The following RASGRP1 variants were observed in gnomAD, a reference collection of about 807,000 sequenced individuals.
RASGRP1 encodes RAS guanyl-releasing protein 1.
RASGRP1 carries 37 observed loss-of-function variants against 95.1 expected under a neutral mutation model. The ratio of observed to expected loss-of-function variants is 0.39; its 90% CI spans 0.30 to 0.51. The LOEUF is 0.51. RASGRP1 is among the 20% of genes least tolerant of loss of function. RASGRP1 has a pLI of 0.80. For synonymous variants in RASGRP1, 325 were observed against 353.4 expected (o/e 0.92, Z 0.90); for missense variants, 711 against 965.4 (o/e 0.74, Z 3.49).
chr15:38,507,608 A>G, intron 9 of RASGRP1, 118 bp downstream of exon 9: 1 of 1,172,474 alleles, frequency 8.5e-7, no homozygotes, highest in Non-Finnish European at 1.2e-6. Context: ...GGAGATAGTA[A>G]TAGGATCTGC....
At chr15:38,549,300 A>G (rs1893235178) in intron 2 of RASGRP1, among the ~76,000 whole-genome samples, 1 of 152,206 alleles carries the variant, frequency 6.6e-6, no homozygotes, top group Non-Finnish European at 1.5e-5. Context: ...AGTGAATCCA[A>G]AATTAACCAG....
rs1040473271 is a variant in RASGRP1, at chr15:38,506,230, C to G, written c.1243-310G>C. ...ATGACTAATACATCACTTGTTCTCT[C>G]TCAAAGCAGACAGATGATCTGAAAG... On this transcript the variant is annotated intron_variant, in intron 9 of 16. Transcript: ENST00000310803. Among the ~76,000 whole-genome samples the G allele has an allele frequency of 2.6e-5, 4 of 152,224 alleles. No individual in the cohort carries two copies. In the East Asian group the frequency reaches 7.7e-4, roughly 29 times the overall value.
In RASGRP1 at chr15:38,561,133, A is replaced by G. The variant is rs974115330; in HGVS notation, c.36-1128T>C. Reference sequence around the variant, plus strand: ...AGCAGCAAAGAGAAAAAGGAAAAAAACGTACCTCTGAAGTGTAACTTTACT... The same window carrying G: ...AGCAGCAAAGAGAAAAAGGAAAAAAGCGTACCTCTGAAGTGTAACTTTACT... On this transcript the variant is annotated intron_variant, in intron 1 of 16. Coordinates refer to ENST00000310803, the MANE Select transcript of RASGRP1 (RefSeq NM_005739.4). Among the ~76,000 whole-genome samples the G allele has an allele frequency of 4.6e-5, 7 of 152,340 alleles. No individual in the cohort carries two copies. In the South Asian group the frequency reaches 1.4e-3, roughly 32 times the overall value.
intron 2 of RASGRP1, among the ~76,000 whole-genome samples, chr15:38,533,960 T>C (rs1391235700): frequency 6.6e-6 from 1 of 152,200 alleles, no homozygotes; most frequent in Non-Finnish European, 1.5e-5. Context: ...TGCAGTCAGC[T>C]CTCAGGACAG....
At chr15:38,524,859 AG>A (rs139334746) in intron 3 of RASGRP1, among the ~76,000 whole-genome samples, 2,041 of 152,086 alleles carry the variant, frequency 0.013, 60 homozygotes, top group East Asian at 0.12. Context: ...TGGTGGAGTA[AG>A]ATTCTGTGAG....
chr15:38,508,098 A>C, intron 8 of RASGRP1, 97 bp from the exon 9 acceptor site: 33 of 1,365,274 alleles, frequency 2.4e-5, no homozygotes, highest in Non-Finnish European at 3.0e-5. Flanking sequence ...CCATGATCTC[A>C]CCCCATCCAG....
intron 6 of RASGRP1, among the ~76,000 whole-genome samples, chr15:38,515,780 C>CA (rs1021319283): frequency 1.6e-4 from 23 of 148,364 alleles, no homozygotes; most frequent in African/African-American, 5.7e-4. Flanking sequence ...GCCCCCGCAC[C>CA]CCCCCCCCTT....
chr15:38,498,444 CAT>C (rs1890883085), intron 15 of RASGRP1, among the ~76,000 whole-genome samples: 1 of 152,082 alleles, frequency 6.6e-6, no homozygotes, highest in African/African-American at 2.4e-5. Context: ...CATGTACATA[CAT>C]ATTTTCCCTA....
intron 2 of RASGRP1, among the ~76,000 whole-genome samples, chr15:38,533,173 C>T (rs892628855): frequency 2.0e-5 from 3 of 152,098 alleles, no homozygotes; most frequent in South Asian, 2.1e-4. Context: ...GGCAAGCTGT[C>T]AGCATTGAGG....
chr15:38,503,849 G>C (rs1214591135), intron 10 of RASGRP1: 3 of 195,394 alleles, frequency 1.5e-5, no homozygotes, highest in Non-Finnish European at 3.1e-5. Flanking sequence ...TTAATGACTG[G>C]GATATGTTCT....
chr15:38,493,159 C>T (rs1278039340), intron 16 of RASGRP1, among the ~76,000 whole-genome samples: 3 of 145,244 alleles, frequency 2.1e-5, no homozygotes, highest in South Asian at 4.5e-4. Context: ...GGATAACAGG[C>T]GTGAGCCACC....
chr15:38,505,762 G>C lies in RASGRP1; in HGVS notation c.1323+78C>G, dbSNP rs141029008. 5.0e-4 allele frequency: 574 copies of C among 1,154,712 alleles called. 4 individuals carry two copies. The African/African-American group carries it at 8.1e-3, about 16-fold the overall frequency. 71.5% of individuals were successfully genotyped at this position (1,154,712 alleles called of 1,614,324 possible). A position where few individuals can be genotyped will look rare whatever the true frequency, so the allele number is the denominator to read the frequency against. On this transcript the variant is annotated intron_variant, in intron 10 of 16. Coordinates refer to ENST00000310803, the MANE Select transcript of RASGRP1 (RefSeq NM_005739.4). ...ATGTATTAAACTGAACTGAAAGTCTGTTCCTGAGGATGAATGAACTCGAGG... is the reference window on the plus strand; with the variant it reads ...ATGTATTAAACTGAACTGAAAGTCTCTTCCTGAGGATGAATGAACTCGAGG...
intron 10 of RASGRP1, 128 bp from the exon 11 acceptor site, chr15:38,503,504 C>A: frequency 1.3e-6 from 1 of 769,998 alleles, no homozygotes. Flanking sequence ...TGGCAAGGAG[C>A]AGAGAACCCA....
At chr15:38,503,405 A>T in intron 10 of RASGRP1, 29 bp from the exon 11 acceptor site, 2 of 1,447,584 alleles carry the variant, frequency 1.4e-6, no homozygotes, top group Non-Finnish European at 1.9e-6. Context: ...AGAAATCCTC[A>T]TGACTACAAT....
chr15:38,552,461 C>T (rs1329711779), intron 2 of RASGRP1, among the ~76,000 whole-genome samples: 1 of 152,104 alleles, frequency 6.6e-6, no homozygotes, highest in Non-Finnish European at 1.5e-5. Context: ...GAAAAGGAAG[C>T]CCTGATTAGT....
In RASGRP1 at chr15:38,526,352, G is replaced by GGTCA. The variant is rs1892220035; in HGVS notation, c.269_272dup (p.Met92AspfsTer21). Reference sequence around the variant, plus strand: ...CAGAGGAGATGACAATTCGGTGCATGGTCAGCATGACTTGCAACAGTTGGT... The same window carrying GGTCA: ...CAGAGGAGATGACAATTCGGTGCATGGTCAGTCAGCATGACTTGCAACAGTTGGT... On this transcript the variant is annotated frameshift_variant, in exon 3 of 17. Transcript: ENST00000310803. LOFTEE classifies it high-confidence loss of function. 1 of 1,613,172 alleles carries GGTCA rather than the reference G, an allele frequency of 6.2e-7. No homozygotes were observed. Among genetic ancestry groups the GGTCA allele is most frequent in the African/African-American group, 1.3e-5 (1 of 74,868 alleles).
At chr15:38,517,959 C>T (rs1891853847) in intron 5 of RASGRP1, among the ~76,000 whole-genome samples, 1 of 152,300 alleles carries the variant, frequency 6.6e-6, no homozygotes, top group South Asian at 2.1e-4. Context: ...TGGCATTAAG[C>T]GTGGGTTCAG....
Position 38,501,258 on chromosome 15 carries a change from G to A in RASGRP1, c.1568C>T (p.Thr523Ile). ...TGAGCTGGCTCTCATGAAGTAGGCT[G>A]TGATCTCATCCCTGCTGATGAGGCC... is the stretch of plus-strand genomic sequence containing the variant. ...REGLISRDEI[T>I]AYFMRASSIY... Residue 523 changes from threonine to isoleucine, a missense_variant, in exon 13 of 17, where the codon ACA becomes ATA. Physicochemically the swap from Thr to Ile is moderately conservative, Grantham distance 89. This residue lies in a region of RASGRP1 where 491 missense variants were observed against 676.6 expected (regional missense o/e 0.73). Coordinates refer to ENST00000310803, the MANE Select transcript of RASGRP1 (RefSeq NM_005739.4). The A allele has an allele frequency of 6.2e-7, 1 of 1,613,030 alleles. No individual in the cohort carries two copies. Among genetic ancestry groups the A allele is most frequent in the Non-Finnish European group, 8.5e-7 (1 of 1,179,302 alleles).
At position 38,548,194 on chromosome 15, in the gene RASGRP1, T is replaced by C. The variant is rs184114623; in HGVS notation, c.220+11627A>G. On this transcript the variant is annotated intron_variant, in intron 2 of 16. Coordinates refer to ENST00000310803, the MANE Select transcript of RASGRP1 (RefSeq NM_005739.4). ...CCACCTAAGAAAATTTAGAGAAATT[T>C]CCTAAAATCCGTTTGAATTTTTGTA... Among the ~76,000 whole-genome samples, 523 of 152,332 alleles carry C rather than the reference T, an allele frequency of 3.4e-3. 5 individuals carry two copies. The highest frequency in any genetic ancestry group is 0.028 in the Admixed American group (429 of 15,298).
Sources: allele counts gnomAD v4.1 joint callset (sites outside exome capture counted in the v4.1 genomes callset), GRCh38; gene constraint gnomAD v4.1.1; regional missense constraint gnomAD v4.1.1; transcripts MANE v1.5; gene names NCBI Gene and HGNC (gene_info 2026-07-23, HGNC 2026-07-21).